Variants in BICDL1 observed in about 807,000 individuals in gnomAD.
The protein encoded by BICDL1 is BICD family like cargo adaptor 1, also known as BICD family-like cargo adapter 1.
BICDL1 carries 20 observed loss-of-function variants against 76.8 expected under a neutral mutation model. The observed-to-expected ratio is 0.26, with a 90% CI of 0.18 to 0.38. The LOEUF is 0.38. Among genes scored for constraint, BICDL1 ranks in the 10% least tolerant of loss-of-function variants. The probability of loss-of-function intolerance (pLI) is 1.00; values close to 1 mark genes in which losing one functional copy is unlikely to be tolerated. For synonymous variants in BICDL1, 383 were observed against 337.1 expected (o/e 1.14, Z -1.49); for missense variants, 700 against 798.6 (o/e 0.88, Z 1.49).
chr12:120,020,678 G>A (rs1952160611), intron 2 of BICDL1, among the ~76,000 whole-genome samples: 2 of 152,154 alleles, frequency 1.3e-5, no homozygotes, highest in Non-Finnish European at 2.9e-5. Flanking sequence ...ATCATCTACA[G>A]ATGATAAAAC....
At chr12:120,004,094 A>G (rs1241775151) in intron 2 of BICDL1, among the ~76,000 whole-genome samples, 3 of 152,226 alleles carry the variant, frequency 2.0e-5, no homozygotes. Context: ...CGTAGGATAT[A>G]TAATTGCTCA....
chr12:120,088,112 A>G (rs1594220842), intron 8 of BICDL1, among the ~76,000 whole-genome samples: 2 of 152,038 alleles, frequency 1.3e-5, no homozygotes, highest in East Asian at 3.9e-4. Context: ...TTGTATTTTT[A>G]GTAGAGGCGG....
chr12:120,056,922 G>T (rs1332759711), intron 2 of BICDL1: 1 of 328,736 alleles, frequency 3.0e-6, no homozygotes, highest in Non-Finnish European at 5.9e-6. Context: ...GCCTGCCCTT[G>T]ATGCAGGTTA....
At chr12:120,072,177 T>A (rs148232942) in intron 5 of BICDL1, among the ~76,000 whole-genome samples, 29 of 152,332 alleles carry the variant, frequency 1.9e-4, no homozygotes, top group Non-Finnish European at 3.4e-4. Flanking sequence ...TGGTTTCTTT[T>A]CACACTTTTC....
chr12:120,067,542 C>T (rs889908212), intron 4 of BICDL1, among the ~76,000 whole-genome samples: 3 of 152,178 alleles, frequency 2.0e-5, no homozygotes, highest in East Asian at 1.9e-4. Flanking sequence ...ATGTAATAGA[C>T]TCTTCTCTTG....
chr12:120,000,528 A>G (rs1034955310), intron 2 of BICDL1: 2 of 152,250 alleles, frequency 1.3e-5, no homozygotes, highest in Non-Finnish European at 2.9e-5. Flanking sequence ...CATTTAATAC[A>G]TACTTTGAGT....
Position 120,093,415 on chromosome 12 carries a change from C to T in BICDL1, c.*254C>T, listed in dbSNP as rs955499517. ...CCACGCCTGGGCTTCTCCAGGACCA[C>T]GTGCTTGAGCAGGGTTAGGCCACCT... On this transcript the variant is annotated 3_prime_UTR_variant, in exon 10 of 10. Transcript: ENST00000548673. The T allele has an allele frequency of 2.0e-5, 10 of 507,938 alleles. No homozygotes were observed. Among genetic ancestry groups the T allele is most frequent in the Non-Finnish European group, 3.2e-5 (9 of 281,902 alleles). 31.5% of individuals were successfully genotyped at this position (507,938 alleles called of 1,614,324 possible).
At chr12:120,016,538 C>G (rs1363296952) in intron 2 of BICDL1, among the ~76,000 whole-genome samples, 1 of 147,678 alleles carries the variant, frequency 6.8e-6, no homozygotes, top group Non-Finnish European at 1.5e-5. Flanking sequence ...TCTCCCACTT[C>G]AGTCTCCCAA....
At chr12:120,059,913 A>G (rs1425028944) in intron 2 of BICDL1, among the ~76,000 whole-genome samples, 2 of 151,874 alleles carry the variant, frequency 1.3e-5, no homozygotes, top group Admixed American at 1.3e-4. Context: ...GGGTTTCACC[A>G]TGTTGGCCAG....
chr12:120,064,640 T>TA, intron 3 of BICDL1, 93 bp from the exon 4 acceptor site: 11 of 1,280,770 alleles, frequency 8.6e-6, no homozygotes, highest in Non-Finnish European at 1.2e-5. Context: ...TACTGAAAGA[T>TA]ACTTGCCTTC....
intron 2 of BICDL1, among the ~76,000 whole-genome samples, chr12:120,047,973 G>T (rs1481622740): frequency 6.6e-6 from 1 of 151,856 alleles, no homozygotes; most frequent in Non-Finnish European, 1.5e-5. Context: ...CAAAATGGAA[G>T]GTCTTTTAAA....
chr12:120,040,429 TTTTG>T (rs143843863), intron 2 of BICDL1, among the ~76,000 whole-genome samples: 1,868 of 152,118 alleles, frequency 0.012, 39 homozygotes, highest in East Asian at 0.043. Context: ...CTTTTTGTTT[TTTTG>T]TTTGTTTGTT....
intron 2 of BICDL1, among the ~76,000 whole-genome samples, chr12:120,045,946 A>G (rs1271509546): frequency 8.0e-6 from 1 of 124,930 alleles, no homozygotes; most frequent in Admixed American, 7.4e-5. Context: ...AAAAGAAAGT[A>G]TAAACATTTC....
chr12:120,069,972 A>G (rs528196889), intron 4 of BICDL1, among the ~76,000 whole-genome samples: 2 of 152,326 alleles, frequency 1.3e-5, no homozygotes, highest in South Asian at 2.1e-4. Context: ...ATGTTGTGGC[A>G]TATAGTAGCA....
At chr12:120,015,190 CT>C (rs1337883394) in intron 2 of BICDL1, among the ~76,000 whole-genome samples, 1 of 152,202 alleles carries the variant, frequency 6.6e-6, no homozygotes, top group Non-Finnish European at 1.5e-5. Context: ...ATGCAATAAC[CT>C]GAAACATCTC....
At chr12:119,996,641 CAG>C (rs1392014080) in intron 1 of BICDL1, among the ~76,000 whole-genome samples, 1 of 151,872 alleles carries the variant, frequency 6.6e-6, no homozygotes, top group African/African-American at 2.4e-5. Flanking sequence ...TTCAGTGTGT[CAG>C]AATTTCCTGT....
intron 2 of BICDL1, among the ~76,000 whole-genome samples, chr12:120,060,348 G>A (rs900302364): frequency 6.6e-6 from 1 of 152,252 alleles, no homozygotes; most frequent in African/African-American, 2.4e-5. Flanking sequence ...GTTTCAGGGT[G>A]TGTAGGGTGG....
chr12:119,999,067 A>G (rs1209774354), intron 2 of BICDL1, among the ~76,000 whole-genome samples: 2 of 148,594 alleles, frequency 1.3e-5, no homozygotes, highest in African/African-American at 5.1e-5. Flanking sequence ...TCTCGGAAAA[A>G]AAAAAAAAAA....
At chr12:120,087,143 G>A (rs1162585900) in intron 8 of BICDL1, among the ~76,000 whole-genome samples, 1 of 152,256 alleles carries the variant, frequency 6.6e-6, no homozygotes, top group Non-Finnish European at 1.5e-5. Context: ...CTGGAGGGGT[G>A]TCCATGGCAA....
Sources: allele counts gnomAD v4.1 joint callset (sites outside exome capture counted in the v4.1 genomes callset), GRCh38; gene constraint gnomAD v4.1.1; transcripts MANE v1.5; gene names NCBI Gene and HGNC (gene_info 2026-07-23, HGNC 2026-07-21).